Variants in CETP observed in about 807,000 individuals in gnomAD.
CETP encodes BPI fold containing family F.
Under a neutral mutation model 66.5 loss-of-function variants are expected in CETP, and 56 were observed. The observed-to-expected ratio is 0.84, with a 90% CI of 0.68 to 1.05. CETP has a LOEUF of 1.05. Ranked by LOEUF, CETP falls within the 50% of genes least tolerant of loss-of-function variation. The pLI, the probability that CETP is intolerant of heterozygous loss-of-function variation, is 0.00. For missense variants in CETP, 612 were observed against 609.6 expected (o/e 1.00, Z -0.04); for synonymous variants, 251 against 245.7 (o/e 1.02, Z -0.20).
rs12720882 is a variant in CETP at position 56,982,402 on chromosome 16, A to G, written c.1321+165A>G. ...TCCCTGCTGGTGGTATTGCACGCCA[A>G]TGACTCGGCCAGATGCCCAGACCCC... On this transcript the variant is annotated intron_variant, in intron 14 of 15. Transcript: ENST00000200676. 6.2e-3 allele frequency among the ~76,000 whole-genome samples: 951 copies of G among 152,224 alleles called. 6 individuals are homozygous for G. Among genetic ancestry groups the G allele is most frequent in the Non-Finnish European group, 0.01 (689 of 67,996 alleles).
At chr16:56,969,288 A>T in intron 2 of CETP, 98 bp from the exon 3 acceptor site, 1 of 1,513,998 alleles carries the variant, frequency 6.6e-7, no homozygotes. Flanking sequence ...GGGGGCCATG[A>T]TTCTATCTTC....
intron 2 of CETP, among the ~76,000 whole-genome samples, chr16:56,967,939 A>G (rs2056079734): frequency 1.3e-5 from 2 of 150,816 alleles, no homozygotes; most frequent in South Asian, 2.1e-4. Context: ...GGCCTGGGCA[A>G]CAGAGAGCCA....
chr16:56,976,089 C>T (rs2056148279), intron 10 of CETP, among the ~76,000 whole-genome samples: 1 of 152,212 alleles, frequency 6.6e-6, no homozygotes. Context: ...CCCTTAGCCC[C>T]TTGTCTGAGT....
At chr16:56,968,592 C>T (rs2056085109) in intron 2 of CETP, among the ~76,000 whole-genome samples, 2 of 152,048 alleles carry the variant, frequency 1.3e-5, no homozygotes, top group South Asian at 4.2e-4. Flanking sequence ...AGAATTTGTC[C>T]ATTTCATTTC....
At chr16:56,982,535 C>G (rs1252135681) in intron 14 of CETP, among the ~76,000 whole-genome samples, 1 of 152,190 alleles carries the variant, frequency 6.6e-6, no homozygotes, top group Non-Finnish European at 1.5e-5. Context: ...CAGAAAGACC[C>G]CTGGGCTGGG....
chr16:56,978,800 C>T lies in CETP; in HGVS notation c.1146+545C>T, dbSNP rs553864157. ...CATGCCAAGCATATGTTCTTTCATTCTTATTTTTATTTATTATTTATTTAT... is the reference window on the plus strand; with the variant it reads ...CATGCCAAGCATATGTTCTTTCATTTTTATTTTTATTTATTATTTATTTAT... On this transcript the variant is annotated intron_variant, in intron 11 of 15. Transcript: ENST00000200676. Among the ~76,000 whole-genome samples the T allele has an allele frequency of 2.7e-3, 416 of 151,662 alleles. 1 individual carries two copies. The highest frequency in any genetic ancestry group is 9.8e-3 in the African/African-American group (404 of 41,334).
At chr16:56,979,881 A>C (rs2056176043) in intron 11 of CETP, among the ~76,000 whole-genome samples, 1 of 152,222 alleles carries the variant, frequency 6.6e-6, no homozygotes, top group African/African-American at 2.4e-5. Flanking sequence ...AAAAATAGAA[A>C]GAAGAAAACC....
intron 2 of CETP, 65 bp downstream of exon 2, chr16:56,963,189 G>A: frequency 7.5e-7 from 1 of 1,325,532 alleles, no homozygotes; most frequent in Non-Finnish European, 1.1e-6. Flanking sequence ...CCTGGGGCTT[G>A]CCCCCAGCCC....
At chr16:56,975,599 C>T (rs12708976) in intron 10 of CETP, among the ~76,000 whole-genome samples, 2,234 of 152,288 alleles carry the variant, frequency 0.015, 58 homozygotes, top group African/African-American at 0.052. Flanking sequence ...GGTCGCAGCC[C>T]CTTCTTGCTA....
intron 7 of CETP, among the ~76,000 whole-genome samples, 198 bp downstream of exon 7, chr16:56,971,579 G>A (rs2056110747): frequency 6.6e-6 from 1 of 152,220 alleles, no homozygotes. Context: ...CACAAGCTGT[G>A]TGGCGTTGGG....
intron 11 of CETP, 115 bp downstream of exon 11, chr16:56,978,370 G>C: frequency 1.3e-5 from 16 of 1,240,690 alleles, no homozygotes; most frequent in Non-Finnish European, 1.9e-5. Context: ...CACCTCTGCT[G>C]GCACTGGTTG....
rs1567472142 is a variant in CETP, at chr16:56,971,849, A to G, written c.659-143A>G. 8 of 746,728 alleles carry G rather than the reference A, an allele frequency of 1.1e-5. No individual in the cohort carries two copies. In the East Asian group the frequency reaches 2.0e-4, roughly 19 times the overall value. 46.3% of individuals were successfully genotyped at this position (746,728 alleles called of 1,614,324 possible). A position where few individuals can be genotyped will look rare whatever the true frequency, so the allele number is the denominator to read the frequency against. On this transcript the variant is annotated intron_variant, in intron 7 of 15. Coordinates refer to ENST00000200676, the MANE Select transcript of CETP (RefSeq NM_000078.3). ...AAAAGAGAGAATGAAAAAGTGCCAC[A>G]CCCCTCCCCGCACACCCAGGTCCCA...
At chr16:56,967,119 G>A (rs563025537) in intron 2 of CETP, among the ~76,000 whole-genome samples, 9 of 151,804 alleles carry the variant, frequency 5.9e-5, no homozygotes, top group Admixed American at 1.3e-4. Context: ...AGGCCGAGGC[G>A]GGCAGATCAC....
chr16:56,973,299 C>A, intron 8 of CETP, 32 bp from the exon 9 acceptor site: 2 of 1,612,572 alleles, frequency 1.2e-6, no homozygotes, highest in Admixed American at 1.7e-5. Context: ...TAGGGACACA[C>A]AGGGTCCAGC....
chr16:56,983,691 G>A lies in CETP; in HGVS notation c.*25G>A, dbSNP rs1331344801. On this transcript the variant is annotated 3_prime_UTR_variant, in exon 16 of 16. Coordinates refer to ENST00000200676, the MANE Select transcript of CETP (RefSeq NM_000078.3). ...GAAGTCTCCAAGGAGGTCGGGATGGGGCTTGTAGCAGAAGGCAAGCACCAG... is the reference window on the plus strand; with the variant it reads ...GAAGTCTCCAAGGAGGTCGGGATGGAGCTTGTAGCAGAAGGCAAGCACCAG... 2.5e-6 allele frequency: 4 copies of A among 1,607,122 alleles called. No individual in the cohort carries two copies. The highest frequency in any genetic ancestry group is 1.1e-5 in the South Asian group (1 of 90,920).
chr16:56,976,086 C>A (rs1011830094), intron 10 of CETP, among the ~76,000 whole-genome samples: 1 of 152,204 alleles, frequency 6.6e-6, no homozygotes, highest in Non-Finnish European at 1.5e-5. Context: ...TCTCCCTTAG[C>A]CCCTTGTCTG....
intron 15 of CETP, 39 bp from the exon 16 acceptor site, chr16:56,983,553 G>C (rs1267460938): frequency 3.1e-6 from 5 of 1,611,216 alleles, no homozygotes; most frequent in Non-Finnish European, 4.2e-6. Flanking sequence ...CTGGGAGTCA[G>C]CCCAGCTCGC....
chr16:56,973,245 G>C (rs2056125568), intron 8 of CETP, 86 bp from the exon 9 acceptor site: 1 of 1,414,668 alleles, frequency 7.1e-7, no homozygotes, highest in African/African-American at 1.4e-5. Context: ...TGGGCTGAAT[G>C]CTGGGGCTCC....
rs764019349 is a variant in CETP at position 56,963,088 on chromosome 16, T to A, written c.197T>A (p.Met66Lys). 1 of 1,614,100 alleles carries A rather than the reference T, an allele frequency of 6.2e-7. No homozygotes were observed. The highest frequency in any genetic ancestry group is 2.2e-5 in the East Asian group (1 of 44,880). Residue 66 changes from methionine to lysine, a missense_variant, in exon 2 of 16, where the codon ATG becomes AAG. By Grantham distance (95) the Met-to-Lys change is moderately conservative (BLOSUM62 -1). Coordinates refer to ENST00000200676, the MANE Select transcript of CETP (RefSeq NM_000078.3). ...CCAGATATCACGGGCGAGAAGGCCATGATGCTCCTTGGCCAAGTCAAGTAT... is the reference window on the plus strand; with the variant it reads ...CCAGATATCACGGGCGAGAAGGCCAAGATGCTCCTTGGCCAAGTCAAGTAT... ...SYPDITGEKA[M>K]MLLGQVKYGL...
Sources: gnomAD v4.1 joint callset for allele counts (sites outside exome capture counted in the v4.1 genomes callset) on GRCh38, gnomAD v4.1.1 for gene constraint, MANE v1.5 for transcripts, NCBI Gene and HGNC (gene_info 2026-07-23, HGNC 2026-07-21) for gene names.